The following GBP2 variants were observed in gnomAD, a reference collection of about 807,000 sequenced individuals.
GBP2 encodes guanylate-binding protein 2.
Under a neutral mutation model 60.8 loss-of-function variants are expected in GBP2, and 54 were observed. The ratio of observed to expected loss-of-function variants is 0.89; its 90% confidence interval spans 0.71 to 1.11. The LOEUF is 1.11. GBP2 is among the 50% of genes most tolerant of loss of function. The pLI, the probability that GBP2 is intolerant of heterozygous loss-of-function variation, is 0.00. For synonymous variants in GBP2, 243 were observed against 256.5 expected, an observed-to-expected ratio of 0.95 and a Z score of 0.50; for missense variants, 665 against 703.3, an observed-to-expected ratio of 0.95 and a Z score of 0.62.
At position 89,121,971 on chromosome 1, in the gene GBP2, A is replaced by G. The variant is rs1269182089; in HGVS notation, c.-5T>C. On this transcript the variant is annotated 5_prime_UTR_variant, in exon 2 of 11. Transcript: ENST00000370466. Reference sequence around the variant, plus strand: ...CAAGTTGATCTCTGGAGCCATGTCCAGGGTGTTGTTCCCTTGTGTGCAAGG... The same window carrying G: ...CAAGTTGATCTCTGGAGCCATGTCCGGGGTGTTGTTCCCTTGTGTGCAAGG... The G allele has an allele frequency of 6.2e-7, 1 of 1,609,858 alleles. No individual in the cohort carries two copies. The highest frequency in any genetic ancestry group is 1.7e-5 in the Admixed American group (1 of 59,728).
chr1:89,121,306 C>A, intron 2 of GBP2, 36 bp from the exon 3 acceptor site: 1 of 1,548,628 alleles, frequency 6.5e-7, no homozygotes, highest in Non-Finnish European at 8.7e-7. Context: ...AAAGAAATTA[C>A]TTAGTAGGTG....
At chr1:89,124,385 G>A (rs763012402) in intron 1 of GBP2, among the ~76,000 whole-genome samples, 2 of 152,074 alleles carry the variant, frequency 1.3e-5, no homozygotes, top group Non-Finnish European at 2.9e-5. Context: ...TTCAGAAAAT[G>A]GATTTTTTTT....
At chr1:89,110,126 G>A (rs1433791127) in intron 9 of GBP2, 38 bp downstream of exon 9, 2 of 1,457,458 alleles carry the variant, frequency 1.4e-6, no homozygotes, top group Middle Eastern at 1.7e-4. Flanking sequence ...CATTTTGAGA[G>A]CTTTCCGACC....
At chr1:89,114,882 G>A (rs1361890840) in intron 6 of GBP2, among the ~76,000 whole-genome samples, 2 of 152,128 alleles carry the variant, frequency 1.3e-5, no homozygotes, top group East Asian at 3.9e-4. Flanking sequence ...ACTCAATCCT[G>A]GACCTTCTCA....
Position 89,106,331 on chromosome 1 carries a change from C to T in GBP2, c.*1844G>A, listed in dbSNP as rs4655899. On this transcript the variant is annotated 3_prime_UTR_variant, in exon 11 of 11. Coordinates refer to ENST00000370466, the MANE Select transcript of GBP2 (RefSeq NM_004120.5). The stretch of plus-strand genomic sequence containing the variant: ...GGTAAGAGCAATAACTAAACTGAGG[C>T]ATAAACAAGATAGATCTTAAATACA... The T allele has an allele frequency of 0.4, 60,333 of 151,866 alleles. 13,445 individuals carry two copies. Among genetic ancestry groups the T allele is most frequent in the Non-Finnish European group, 0.5 (33,771 of 67,894 alleles). 9.4% of individuals were successfully genotyped at this position (151,866 alleles called of 1,614,324 possible).
rs374791564 is a variant in GBP2, at chr1:89,117,618, G to C, written c.584C>G (p.Thr195Ser). The C allele has an allele frequency of 6.3e-5, 102 of 1,613,970 alleles. No homozygotes were observed. Among genetic ancestry groups the C allele is most frequent in the Non-Finnish European group, 8.1e-5 (95 of 1,179,984 alleles). The change falls in exon 5 of 11, where the codon ACT becomes AGT. Residue 195 changes from threonine (T) to serine (S), a missense_variant. Physicochemically the swap from Thr to Ser is moderately conservative, Grantham distance 58 (BLOSUM62 1). Transcript: ENST00000370466. The part of the protein sequence containing the change: ...LELEVDGEPI[T>S]ADDYLELSLK... ...CGAAAGCTCCAAGTAGTCATCAGCA[G>C]TGATGGGTTCTCCATCTACTTCCAG...
intron 2 of GBP2, 38 bp downstream of exon 2, chr1:89,121,739 G>A (rs201526435): frequency 1.1e-5 from 17 of 1,598,068 alleles, no homozygotes; most frequent in Middle Eastern, 1.7e-4. Context: ...CCGTGTGTAC[G>A]GACAGAAGGG....
chr1:89,116,215 G>A (rs67701413), intron 6 of GBP2, among the ~76,000 whole-genome samples: 29,872 of 151,376 alleles, frequency 0.2, 3,197 homozygotes, highest in East Asian at 0.39. Flanking sequence ...GTTTCCCCAT[G>A]TTGCCCAGGC....
rs932226836 is a variant in GBP2, at chr1:89,107,289, C to A, written c.*886G>T. Among the ~76,000 whole-genome samples, 1 of 151,674 alleles carries A rather than the reference C, an allele frequency of 6.6e-6. No homozygotes were observed. The highest frequency in any genetic ancestry group is 1.5e-5 in the Non-Finnish European group (1 of 67,976). On this transcript the variant is annotated 3_prime_UTR_variant, in exon 11 of 11. Coordinates refer to ENST00000370466, the MANE Select transcript of GBP2 (RefSeq NM_004120.5). The stretch of plus-strand genomic sequence containing the variant: ...AGAGGAGCAGAGAGAAAAATGCAGT[C>A]AAGTTTTAGGCTTTATAGGATTATA...
chr1:89,120,755 T>C (rs1681380165), intron 3 of GBP2, among the ~76,000 whole-genome samples: 1 of 152,226 alleles, frequency 6.6e-6, no homozygotes, highest in South Asian at 2.1e-4. Flanking sequence ...CTTCTCTTTC[T>C]ACTGGTGCTG....
intron 1 of GBP2, among the ~76,000 whole-genome samples, chr1:89,122,764 T>C (rs1278805572): frequency 6.6e-6 from 1 of 152,224 alleles, no homozygotes; most frequent in Non-Finnish European, 1.5e-5. Flanking sequence ...ACTATGCAAA[T>C]AAAGATTCAT....
chr1:89,111,272 T>C (rs1681159001), intron 8 of GBP2, among the ~76,000 whole-genome samples: 1 of 152,170 alleles, frequency 6.6e-6, no homozygotes, highest in Admixed American at 6.5e-5. Flanking sequence ...CATTTACCAC[T>C]GTTATTTGCC....
intron 6 of GBP2, among the ~76,000 whole-genome samples, chr1:89,115,537 C>T (rs1681251596): frequency 6.6e-6 from 1 of 152,184 alleles, no homozygotes. Context: ...CCCTTTATAC[C>T]CCTCCAATTA....
intron 6 of GBP2, among the ~76,000 whole-genome samples, chr1:89,116,266 A>C (rs750781038): frequency 2.0e-5 from 3 of 152,066 alleles, no homozygotes; most frequent in Non-Finnish European, 2.9e-5. Flanking sequence ...CACCCACCTC[A>C]GCCCCCCAAA....
At chr1:89,109,548 T>C (rs1681120403) in intron 10 of GBP2, 129 bp downstream of exon 10, 2 of 674,544 alleles carry the variant, frequency 3.0e-6, no homozygotes, top group Non-Finnish European at 5.0e-6. Context: ...ATAAAAATAG[T>C]TAGGGAAGGA....
chr1:89,118,675 A>C (rs949052122), intron 4 of GBP2: 2 of 152,174 alleles, frequency 1.3e-5, no homozygotes, highest in African/African-American at 4.8e-5. Flanking sequence ...CCAAGATGAG[A>C]GGCAATGGAG....
rs1251629424 is a variant in GBP2, at chr1:89,106,516, AAAC to A, written c.*1656_*1658del. 1 of 152,246 alleles carries A rather than the reference AAAC, an allele frequency of 6.6e-6. No homozygotes were observed. Among genetic ancestry groups the A allele is most frequent in the East Asian group, 1.9e-4 (1 of 5,202 alleles). 9.4% of individuals were successfully genotyped at this position (152,246 alleles called of 1,614,324 possible). On this transcript the variant is annotated 3_prime_UTR_variant, in exon 11 of 11. Coordinates refer to ENST00000370466, the MANE Select transcript of GBP2 (RefSeq NM_004120.5). ...ACATGAAACAACAGTGGAAAGATTA[AAAC>A]AACATTGAAAAATAATGACAAAAAA...
chr1:89,122,493 A>G (rs898068348), intron 1 of GBP2, among the ~76,000 whole-genome samples: 1 of 152,226 alleles, frequency 6.6e-6, no homozygotes, highest in Non-Finnish European at 1.5e-5. Context: ...TTTGTAGAAT[A>G]TCCCTCAATT....
chr1:89,113,044 A>T (rs983055365), intron 7 of GBP2: 1 of 280,466 alleles, frequency 3.6e-6, no homozygotes, highest in Non-Finnish European at 6.9e-6. Context: ...TCCCGGATAC[A>T]CTACACTGTG....
Sources: gnomAD v4.1 joint callset for allele counts (sites outside exome capture counted in the v4.1 genomes callset) on GRCh38, gnomAD v4.1.1 for gene constraint, MANE v1.5 for transcripts, NCBI Gene and HGNC (gene_info 2026-07-23, HGNC 2026-07-21) for gene names.